ABTB3: variants seen among roughly 807,000 people sequenced by gnomAD.
The protein encoded by ABTB3 is ankyrin repeat- and BTB/POZ domain-containing protein 3.
the ABTB3 span, among the ~76,000 whole-genome samples, chr12:107,427,141 G>A: frequency 1.3e-5 from 2 of 152,140 alleles, no homozygotes; most frequent in African/African-American, 4.8e-5. Flanking sequence ...GGCTCCTTTT[G>A]GAGGCTCCAG....
chr12:107,554,655 A>G, the ABTB3 span, among the ~76,000 whole-genome samples: 1 of 152,162 alleles, frequency 6.6e-6, no homozygotes, highest in Non-Finnish European at 1.5e-5. Context: ...AACATTAATG[A>G]CTTGAATCAC....
chr12:107,512,125 TC>T, the ABTB3 span, among the ~76,000 whole-genome samples: 1 of 152,102 alleles, frequency 6.6e-6, no homozygotes, highest in African/African-American at 2.4e-5. Flanking sequence ...CCAGCCATGA[TC>T]CCCTAAATCC....
At chr12:107,579,308 G>A in the ABTB3 span, among the ~76,000 whole-genome samples, 1 of 152,200 alleles carries the variant, frequency 6.6e-6, no homozygotes, top group Admixed American at 6.5e-5. Context: ...CAGAGTGCAT[G>A]CTACGAAGTT....
chr12:107,388,369 G>T, the ABTB3 span, among the ~76,000 whole-genome samples: 8,593 of 145,838 alleles, frequency 0.059, 277 homozygotes, highest in Middle Eastern at 0.099. Context: ...TCCTAATTCT[G>T]CCTTCTATTC....
At chr12:107,366,215 C>G in the ABTB3 span, among the ~76,000 whole-genome samples, 1 of 152,138 alleles carries the variant, frequency 6.6e-6, no homozygotes, top group Non-Finnish European at 1.5e-5. Context: ...ACCCTAAGCA[C>G]CAGCACACAG....
chr12:107,658,299 T>C, the ABTB3 span: 2 of 153,172 alleles, frequency 1.3e-5, no homozygotes, highest in African/African-American at 4.8e-5. Context: ...TTCAACTAAA[T>C]TGTGTTTAGG....
chr12:107,620,091 A>G, the ABTB3 span: 3 of 1,614,034 alleles, frequency 1.9e-6, no homozygotes, highest in African/African-American at 1.3e-5. Flanking sequence ...AAGACCATTC[A>G]GGAGGAGGAA....
the ABTB3 span, among the ~76,000 whole-genome samples, chr12:107,353,257 T>G: frequency 6.6e-6 from 1 of 151,854 alleles, no homozygotes; most frequent in African/African-American, 2.4e-5. Context: ...CCCAGCATGG[T>G]GGGGGGGAGA....
chr12:107,657,789 A>G, the ABTB3 span: 1 of 1,521,994 alleles, frequency 6.6e-7, no homozygotes, highest in Non-Finnish European at 9.1e-7. Flanking sequence ...ACACAAACAC[A>G]GACAAATTCC....
At chr12:107,452,749 G>A in the ABTB3 span, among the ~76,000 whole-genome samples, 1 of 152,158 alleles carries the variant, frequency 6.6e-6, no homozygotes, top group Non-Finnish European at 1.5e-5. Flanking sequence ...GCTGAGGCAG[G>A]AGAATCATTC....
the ABTB3 span, among the ~76,000 whole-genome samples, chr12:107,331,273 G>A: frequency 6.6e-6 from 1 of 152,204 alleles, no homozygotes; most frequent in South Asian, 2.1e-4. Flanking sequence ...TAGGGGCTGG[G>A]CTCACCCTCG....
the ABTB3 span, among the ~76,000 whole-genome samples, chr12:107,620,803 C>G: frequency 1.5e-3 from 225 of 152,312 alleles, 1 homozygote; most frequent in East Asian, 0.019. Flanking sequence ...TAACAGCAGG[C>G]CAGCCTTTCG....
the ABTB3 span, among the ~76,000 whole-genome samples, chr12:107,537,956 C>A: frequency 4.6e-5 from 7 of 152,152 alleles, no homozygotes; most frequent in Non-Finnish European, 1.0e-4. Context: ...GCTGGGGCTG[C>A]CTTGGAAGAC....
At chr12:107,367,926 T>C in the ABTB3 span, among the ~76,000 whole-genome samples, 50 of 152,334 alleles carry the variant, frequency 3.3e-4, no homozygotes, top group African/African-American at 1.1e-3. Flanking sequence ...ACATGTAAAA[T>C]TGCTTTCTGT....
the ABTB3 span, among the ~76,000 whole-genome samples, chr12:107,373,120 T>G: frequency 1.3e-5 from 2 of 152,204 alleles, no homozygotes; most frequent in Admixed American, 6.5e-5. Context: ...TCACCTCTGG[T>G]TGAGAACTAC....
chr12:107,619,150 G>A, the ABTB3 span, among the ~76,000 whole-genome samples: 2 of 152,196 alleles, frequency 1.3e-5, no homozygotes, highest in African/African-American at 2.4e-5. Flanking sequence ...CTCTCTCCAG[G>A]GAAGGTGGGG....
At chr12:107,542,339 A>G in the ABTB3 span, among the ~76,000 whole-genome samples, 5 of 147,188 alleles carry the variant, frequency 3.4e-5, no homozygotes, top group Non-Finnish European at 6.0e-5. Flanking sequence ...ACCATCACAG[A>G]TATCTTAGGC....
chr12:107,374,960 T>G, the ABTB3 span: 1 of 152,312 alleles, frequency 6.6e-6, no homozygotes, highest in East Asian at 1.9e-4. Context: ...GAATGAATGC[T>G]TTGGGATGGA....
the ABTB3 span, chr12:107,581,068 C>A: frequency 1.3e-6 from 2 of 1,539,540 alleles, no homozygotes; most frequent in Non-Finnish European, 1.7e-6. Context: ...GGGATCCCCG[C>A]GAGCAGGGGG....
Sources: gnomAD v4.1 joint callset for allele counts (sites outside exome capture counted in the v4.1 genomes callset) on GRCh38, gnomAD v4.1.1 for gene constraint, MANE v1.5 for transcripts, NCBI Gene and HGNC (gene_info 2026-07-23, HGNC 2026-07-21) for gene names.